Variants in GALK2 observed in about 807,000 individuals in gnomAD.
The protein encoded by GALK2 is galactokinase 2, also known as N-acetylgalactosamine kinase.
A neutral mutation model predicts 52.4 loss-of-function variants in GALK2; 36 were observed. The ratio of observed to expected loss-of-function variants is 0.69; its 90% CI spans 0.53 to 0.91. The LOEUF is 0.91. Among genes scored for constraint, GALK2 ranks in the 40% least tolerant of loss-of-function variants. The pLI is 0.00. For missense variants in GALK2, 579 were observed against 559.1 expected (o/e 1.04, Z -0.36); for synonymous variants, 176 against 199.1 (o/e 0.88, Z 0.98).
intron 1 of GALK2, among the ~76,000 whole-genome samples, chr15:49,187,150 G>A (rs1595567117): frequency 6.6e-6 from 1 of 152,170 alleles, no homozygotes; most frequent in Non-Finnish European, 1.5e-5. Flanking sequence ...TCTTTATTAG[G>A]GGGTACCCCA....
intron 2 of GALK2, among the ~76,000 whole-genome samples, chr15:49,214,415 C>T (rs2089206427): frequency 6.7e-6 from 1 of 148,528 alleles, no homozygotes; most frequent in Admixed American, 6.7e-5. Context: ...ACTTCAACCT[C>T]TGCCTCCCGG....
At chr15:49,173,951 C>A (rs1252803403) in intron 1 of GALK2, among the ~76,000 whole-genome samples, 1 of 152,104 alleles carries the variant, frequency 6.6e-6, no homozygotes, top group Non-Finnish European at 1.5e-5. Flanking sequence ...CCATATTGGC[C>A]AGGCTGGTCT....
intron 1 of GALK2, among the ~76,000 whole-genome samples, chr15:49,188,394 A>G (rs1456964102): frequency 3.3e-5 from 5 of 152,086 alleles, no homozygotes; most frequent in Admixed American, 6.6e-5. Context: ...GTTACTTTCT[A>G]CTGTTACAAG....
chr15:49,283,646 T>C lies in GALK2; in HGVS notation c.684T>C (p.Ser228=). 1 of 1,613,984 alleles carries C rather than the reference T, an allele frequency of 6.2e-7. No individual in the cohort carries two copies. The highest frequency in any genetic ancestry group is 8.5e-7 in the Non-Finnish European group (1 of 1,179,902). ...GAGCAGTGTTTGTGATTGCCAACAGTTGTGTGGAGATGAATAAGGCAGCAA... is the reference window on the plus strand; with the variant it reads ...GAGCAGTGTTTGTGATTGCCAACAGCTGTGTGGAGATGAATAAGGCAGCAA... ...PSGAVFVIAN[S]CVEMNKAATS... The change falls in exon 7 of 10, where the codon AGT becomes AGC. Residue 228 remains serine, a synonymous_variant. Transcript: ENST00000560031.
intron 1 of GALK2, among the ~76,000 whole-genome samples, chr15:49,177,426 C>T (rs541277476): frequency 2.6e-5 from 4 of 152,128 alleles, no homozygotes; most frequent in Non-Finnish European, 5.9e-5. Flanking sequence ...TTACTAGAAA[C>T]AAGAGACATC....
chr15:49,328,710 T>A lies in GALK2; in HGVS notation c.*551T>A. The A allele has an allele frequency of 6.5e-7, 1 of 1,547,950 alleles. No individual in the cohort carries two copies. The highest frequency in any genetic ancestry group is 1.2e-5 in the South Asian group (1 of 83,436). On this transcript the variant is annotated 3_prime_UTR_variant, in exon 10 of 10. Coordinates refer to ENST00000560031, the MANE Select transcript of GALK2 (RefSeq NM_002044.4). ...TAATACATGATTAAAGTTTCACAGA[T>A]CTTCTTGGACATTGTATAATTGAAT...
intron 2 of GALK2, among the ~76,000 whole-genome samples, chr15:49,211,753 C>G (rs2088913949): frequency 6.6e-6 from 1 of 152,148 alleles, no homozygotes. Flanking sequence ...AAGTGCTATA[C>G]TCTTTTAAAT....
intron 3 of GALK2, among the ~76,000 whole-genome samples, chr15:49,224,502 T>C (rs886888585): frequency 6.6e-6 from 1 of 152,226 alleles, no homozygotes; most frequent in African/African-American, 2.4e-5. Context: ...TAAATTTTTA[T>C]ATATGCTGAA....
chr15:49,213,196 C>T (rs2089070938), intron 2 of GALK2, among the ~76,000 whole-genome samples: 1 of 152,120 alleles, frequency 6.6e-6, no homozygotes, highest in South Asian at 2.1e-4. Flanking sequence ...CATATATTTA[C>T]AATTGTTATA....
intron 1 of GALK2, among the ~76,000 whole-genome samples, chr15:49,193,302 T>C (rs2086918321): frequency 6.6e-6 from 1 of 151,968 alleles, no homozygotes; most frequent in Non-Finnish European, 1.5e-5. Flanking sequence ...CCGACCTGTT[T>C]ATACCTTTTA....
chr15:49,162,074 C>T (rs1225463387), intron 1 of GALK2, among the ~76,000 whole-genome samples: 3 of 152,108 alleles, frequency 2.0e-5, no homozygotes, highest in South Asian at 2.1e-4. Context: ...GAAACTATCA[C>T]GACACAAGAT....
intron 1 of GALK2, among the ~76,000 whole-genome samples, chr15:49,184,657 G>A (rs2086219422): frequency 6.6e-6 from 1 of 152,102 alleles, no homozygotes; most frequent in African/African-American, 2.4e-5. Flanking sequence ...AGGTTACCAT[G>A]AGGCTTGCAA....
At chr15:49,211,466 C>T (rs1189289194) in intron 2 of GALK2, among the ~76,000 whole-genome samples, 2 of 152,166 alleles carry the variant, frequency 1.3e-5, no homozygotes, top group Non-Finnish European at 2.9e-5. Context: ...CTGCCACTTA[C>T]CTAGTTCCAA....
At chr15:49,337,590 T>C (rs940990253) in intron 3 of GALK2, among the ~76,000 whole-genome samples, 3 of 140,096 alleles carry the variant, frequency 2.1e-5, no homozygotes, top group Non-Finnish European at 4.6e-5. Context: ...GTTTGTTACA[T>C]AGGTATACAT....
chr15:49,311,382 T>A (rs188325338), intron 8 of GALK2, among the ~76,000 whole-genome samples: 20 of 152,366 alleles, frequency 1.3e-4, no homozygotes, highest in African/African-American at 4.6e-4. Context: ...GTCCTCATTA[T>A]CTGGCTGGCC....
At chr15:49,190,853 T>C (rs1029885972) in intron 1 of GALK2, among the ~76,000 whole-genome samples, 3 of 152,146 alleles carry the variant, frequency 2.0e-5, no homozygotes, top group African/African-American at 4.8e-5. Context: ...GTTACTTCCC[T>C]TTTTTTGTCT....
intron 8 of GALK2, among the ~76,000 whole-genome samples, chr15:49,300,080 G>C (rs2034976510): frequency 6.6e-6 from 1 of 151,884 alleles, no homozygotes. Flanking sequence ...AAGTCTCTTT[G>C]TGGGTCTCTA....
chr15:49,156,607 G>T, intron 1 of GALK2: 1 of 517,672 alleles, frequency 1.9e-6, no homozygotes, highest in South Asian at 1.5e-5. Context: ...AATTCAGATT[G>T]CCGAAAGGCC....
chr15:49,326,807 C>G (rs369572348), intron 9 of GALK2, among the ~76,000 whole-genome samples: 2 of 151,970 alleles, frequency 1.3e-5, no homozygotes, highest in African/African-American at 4.8e-5. Context: ...TATAATAAAG[C>G]AGATGATAAA....
Sources: allele counts gnomAD v4.1 joint callset (sites outside exome capture counted in the v4.1 genomes callset), GRCh38; gene constraint gnomAD v4.1.1; transcripts MANE v1.5; gene names NCBI Gene and HGNC (gene_info 2026-07-23, HGNC 2026-07-21).